The following CSMD1 variants were observed in gnomAD, a reference collection of about 807,000 sequenced individuals.
CSMD1 encodes the protein CUB and sushi domain-containing protein 1.
In CSMD1, 213 loss-of-function variants were observed where a neutral mutation model predicts 417.5. That is an observed-to-expected ratio of 0.51 (90% CI 0.46 to 0.57). The LOEUF (loss-of-function observed/expected upper bound fraction) is 0.57, where lower values mean the gene tolerates loss of function less well. CSMD1 is among the 20% of genes least tolerant of loss of function. The pLI is 0.00. For synonymous variants in CSMD1, 2,862 were observed against 1,736.8 expected, an observed-to-expected ratio of 1.65 and a Z score of -16.11; for missense variants, 6,923 against 4,529.7, an observed-to-expected ratio of 1.53 and a Z score of -15.17.
chr8:3,506,028 AT>A (rs1272714082), intron 10 of CSMD1, among the ~76,000 whole-genome samples: 1 of 152,220 alleles, frequency 6.6e-6, no homozygotes, highest in African/African-American at 2.4e-5. Context: ...AAACAATATA[AT>A]TTAACAAATG....
intron 10 of CSMD1, among the ~76,000 whole-genome samples, chr8:3,504,669 G>A (rs550019330): frequency 1.3e-5 from 2 of 152,146 alleles, no homozygotes; most frequent in African/African-American, 2.4e-5. Context: ...TATCTAAAAT[G>A]ACCTCTTATC....
intron 1 of CSMD1, among the ~76,000 whole-genome samples, chr8:4,681,750 A>G (rs1409643751): frequency 1.3e-5 from 2 of 152,194 alleles, no homozygotes; most frequent in Admixed American, 1.3e-4. Context: ...GTGAAAAATT[A>G]GCATCCTCTG....
At chr8:3,057,809 C>A (rs1812335486) in intron 49 of CSMD1, among the ~76,000 whole-genome samples, 1 of 152,164 alleles carries the variant, frequency 6.6e-6, no homozygotes, top group African/African-American at 2.4e-5. Flanking sequence ...AATTTTAAAT[C>A]TATCAGATTA....
chr8:4,041,117 C>CAG (rs1797869887), intron 3 of CSMD1, among the ~76,000 whole-genome samples: 1 of 148,676 alleles, frequency 6.7e-6, no homozygotes, highest in Non-Finnish European at 1.5e-5. Context: ...CCCGGGTTCC[C>CAG]GCCATTCTCC....
chr8:4,046,376 G>C (rs1217826011), intron 3 of CSMD1, among the ~76,000 whole-genome samples: 3 of 151,968 alleles, frequency 2.0e-5, no homozygotes, highest in Non-Finnish European at 4.4e-5. Context: ...TAATTTACTT[G>C]GCATTAGTAT....
chr8:3,488,419 T>C (rs969647086), intron 11 of CSMD1, among the ~76,000 whole-genome samples: 1 of 152,186 alleles, frequency 6.6e-6, no homozygotes, highest in African/African-American at 2.4e-5. Flanking sequence ...ATAACATGTC[T>C]TTTGACCTTT....
chr8:3,777,953 C>G (rs544751144), intron 5 of CSMD1, among the ~76,000 whole-genome samples: 4 of 152,056 alleles, frequency 2.6e-5, no homozygotes, highest in African/African-American at 7.2e-5. Flanking sequence ...AGTTCCCACT[C>G]CAGACCTGCA....
intron 5 of CSMD1, among the ~76,000 whole-genome samples, chr8:3,770,602 G>A (rs1359136471): frequency 6.6e-6 from 1 of 152,126 alleles, no homozygotes; most frequent in Non-Finnish European, 1.5e-5. Context: ...ATGCAGAACG[G>A]CCATAAATGA....
intron 42 of CSMD1, among the ~76,000 whole-genome samples, chr8:3,111,128 T>C (rs536133413): frequency 6.6e-6 from 1 of 152,256 alleles, no homozygotes; most frequent in South Asian, 2.1e-4. Context: ...TGTTCACAAC[T>C]CTCTTGAACC....
In CSMD1 at chr8:3,018,695, A is replaced by G. The variant is rs749541814; in HGVS notation, c.7856-45T>C. 2.6e-6 allele frequency: 4 copies of G among 1,538,228 alleles called. No homozygotes were observed. In the East Asian group the frequency reaches 6.8e-5, roughly 26 times the overall value. On this transcript the variant is annotated intron_variant, in intron 51 of 69. Transcript: ENST00000635120. ...AATGAACATCAATTCAGTTATGCAG[A>G]TTACTCCTGTGCTCCAAACAAACAA...
chr8:3,167,160 C>A (rs1820276184), intron 37 of CSMD1, among the ~76,000 whole-genome samples: 1 of 152,066 alleles, frequency 6.6e-6, no homozygotes, highest in South Asian at 2.1e-4. Context: ...TGGCATGTGC[C>A]TGTAATCGCA....
intron 67 of CSMD1, among the ~76,000 whole-genome samples, 161 bp from the exon 68 acceptor site, chr8:2,949,547 G>A (rs989302227): frequency 1.9e-5 from 2 of 107,726 alleles, no homozygotes; most frequent in African/African-American, 3.9e-5. Flanking sequence ...CACATTTATA[G>A]TTAAAGATCA....
intron 1 of CSMD1, among the ~76,000 whole-genome samples, chr8:4,836,169 T>C (rs1800475055): frequency 6.6e-6 from 1 of 152,206 alleles, no homozygotes; most frequent in Admixed American, 6.5e-5. Flanking sequence ...CTGGGGTTAT[T>C]TAAATCGTTA....
At chr8:4,329,049 G>A (rs1211039611) in intron 3 of CSMD1, among the ~76,000 whole-genome samples, 1 of 152,074 alleles carries the variant, frequency 6.6e-6, no homozygotes, top group African/African-American at 2.4e-5. Context: ...AAGCCCTGGA[G>A]AATAATCACA....
At chr8:4,910,850 T>G (rs1344163054) in intron 1 of CSMD1, among the ~76,000 whole-genome samples, 1 of 152,188 alleles carries the variant, frequency 6.6e-6, no homozygotes, top group Non-Finnish European at 1.5e-5. Flanking sequence ...GGTTTGGCTG[T>G]GTCCCCACCC....
At chr8:4,371,875 G>T (rs1013481270) in intron 3 of CSMD1, among the ~76,000 whole-genome samples, 16 of 152,230 alleles carry the variant, frequency 1.1e-4, no homozygotes, top group Non-Finnish European at 2.2e-4. Flanking sequence ...TACGATTGTG[G>T]ACTGTGGAGG....
chr8:3,429,239 C>T (rs748261650), intron 12 of CSMD1, among the ~76,000 whole-genome samples: 7 of 152,100 alleles, frequency 4.6e-5, no homozygotes, highest in Admixed American at 6.5e-5. Flanking sequence ...GCAAATGCTA[C>T]GAACCTTGAT....
intron 1 of CSMD1, among the ~76,000 whole-genome samples, chr8:4,984,548 C>T (rs1811069552): frequency 6.6e-6 from 1 of 152,222 alleles, no homozygotes; most frequent in Non-Finnish European, 1.5e-5. Context: ...TGTTCTCCGG[C>T]TGCTTCTCCT....
intron 6 of CSMD1, among the ~76,000 whole-genome samples, chr8:3,723,497 C>A (rs4990839): frequency 0.71 from 107,292 of 152,062 alleles, 38,796 homozygotes; most frequent in South Asian, 0.85. Context: ...TCAGATATTC[C>A]GAAAATCATA....
Sources: gnomAD v4.1 joint callset for allele counts (sites outside exome capture counted in the v4.1 genomes callset) on GRCh38, gnomAD v4.1.1 for gene constraint, MANE v1.5 for transcripts, NCBI Gene and HGNC (gene_info 2026-07-23, HGNC 2026-07-21) for gene names.